The following NRXN1 variants were observed in gnomAD, a reference collection of about 807,000 sequenced individuals.
The protein encoded by NRXN1 is neurexin-1.
Under a neutral mutation model 150.9 loss-of-function variants are expected in NRXN1, and 39 were observed. The ratio of observed to expected loss-of-function variants is 0.26; its 90% CI spans 0.20 to 0.34. The LOEUF (loss-of-function observed/expected upper bound fraction) is 0.34, where lower values mean the gene tolerates loss of function less well. NRXN1 is among the 10% of genes least tolerant of loss of function. The probability of loss-of-function intolerance (pLI) is 1.00; values close to 1 mark genes in which losing one functional copy is unlikely to be tolerated. For missense variants in NRXN1, 1,815 were observed against 1,949.9 expected (o/e 0.93, Z 1.30); for synonymous variants, 924 against 757.0 (o/e 1.22, Z -3.62).
chr2:50,825,074 G>C (rs1167884600), intron 5 of NRXN1, among the ~76,000 whole-genome samples: 2 of 152,046 alleles, frequency 1.3e-5, no homozygotes, highest in African/African-American at 4.8e-5. Context: ...ATTTTTCCCT[G>C]GATGCTTCCA....
intron 19 of NRXN1, among the ~76,000 whole-genome samples, chr2:50,078,356 A>G (rs1697397159): frequency 6.7e-6 from 1 of 148,582 alleles, no homozygotes; most frequent in African/African-American, 2.5e-5. Flanking sequence ...GGTGGAAACC[A>G]TTTCTAAACT....
intron 12 of NRXN1, among the ~76,000 whole-genome samples, chr2:50,509,998 A>G (rs2092388853): frequency 6.6e-6 from 1 of 152,168 alleles, no homozygotes; most frequent in African/African-American, 2.4e-5. Flanking sequence ...TACAAAGAGA[A>G]GGTGGCTGCC....
chr2:50,937,056 C>T (rs1424979336), intron 2 of NRXN1, among the ~76,000 whole-genome samples: 1 of 152,034 alleles, frequency 6.6e-6, no homozygotes, highest in East Asian at 1.9e-4. Context: ...TAAGATAAAT[C>T]TAATATACTT....
chr2:50,171,378 C>A (rs776776945), intron 18 of NRXN1, among the ~76,000 whole-genome samples: 36 of 151,898 alleles, frequency 2.4e-4, no homozygotes, highest in Non-Finnish European at 4.1e-4. Context: ...CATATCAGTT[C>A]TAGACTATTT....
At chr2:50,421,225 G>C (rs905933670) in intron 17 of NRXN1, among the ~76,000 whole-genome samples, 9 of 151,862 alleles carry the variant, frequency 5.9e-5, no homozygotes, top group African/African-American at 2.2e-4. Flanking sequence ...TTTAAGAAAA[G>C]GAATTATTTG....
intron 21 of NRXN1, among the ~76,000 whole-genome samples, chr2:49,995,861 T>TAA (rs60974625): frequency 2.1e-4 from 14 of 66,174 alleles, no homozygotes; most frequent in African/African-American, 5.4e-4. Context: ...TGCTGGATAG[T>TAA]AAAAAAAAAA....
chr2:50,931,908 C>T (rs1234924939), intron 2 of NRXN1, among the ~76,000 whole-genome samples: 1 of 151,768 alleles, frequency 6.6e-6, no homozygotes, highest in East Asian at 2.0e-4. Flanking sequence ...GTTGCCAAGA[C>T]TGGAGTGCAG....
chr2:50,908,190 T>C (rs1387639065), intron 5 of NRXN1, among the ~76,000 whole-genome samples: 1 of 152,084 alleles, frequency 6.6e-6, no homozygotes, highest in African/African-American at 2.4e-5. Flanking sequence ...AATTGAATAG[T>C]AATGTTTCAT....
intron 22 of NRXN1, among the ~76,000 whole-genome samples, chr2:49,923,117 G>A (rs749188282): frequency 9.2e-5 from 14 of 152,144 alleles, no homozygotes; most frequent in Non-Finnish European, 1.8e-4. Flanking sequence ...GGATTTTGGG[G>A]TGCCTACGTC....
chr2:50,269,172 A>G (rs2069259191), intron 17 of NRXN1, among the ~76,000 whole-genome samples: 1 of 152,188 alleles, frequency 6.6e-6, no homozygotes, highest in South Asian at 2.1e-4. Context: ...TTGTGGGCTC[A>G]GCATATGGTA....
At chr2:50,516,186 G>C (rs1275446629) in intron 12 of NRXN1, among the ~76,000 whole-genome samples, 2 of 152,088 alleles carry the variant, frequency 1.3e-5, no homozygotes, top group African/African-American at 4.8e-5. Flanking sequence ...CATTACTAGA[G>C]GCAGGATGAG....
rs548293203 is a variant in NRXN1 at position 50,980,554 on chromosome 2, A to C, written c.772+46948T>G. 3.9e-5 allele frequency among the ~76,000 whole-genome samples: 6 copies of C among 152,276 alleles called. No homozygotes were observed. In the South Asian group the frequency reaches 1.0e-3, roughly 26 times the overall value. On this transcript the variant is annotated intron_variant, in intron 2 of 22. Transcript: ENST00000401669. ...TAATTAGGAATAGTAGTGATAGTTTATGAAGGTAATAACCACTACTGTAAC... is the reference window on the plus strand; with the variant it reads ...TAATTAGGAATAGTAGTGATAGTTTCTGAAGGTAATAACCACTACTGTAAC...
chr2:50,614,755 A>AC (rs4031831), intron 8 of NRXN1, among the ~76,000 whole-genome samples: 36 of 144,078 alleles, frequency 2.5e-4, no homozygotes, highest in Non-Finnish European at 3.8e-4. Flanking sequence ...AAAAAAAAAA[A>AC]CTTGAGGAAC....
At chr2:50,646,984 T>C (rs984843316) in intron 5 of NRXN1, among the ~76,000 whole-genome samples, 2 of 151,580 alleles carry the variant, frequency 1.3e-5, no homozygotes, top group Admixed American at 1.3e-4. Context: ...ATGTAAAAGA[T>C]CCACTCAAAA....
At chr2:50,275,859 T>C (rs546146185) in intron 17 of NRXN1, among the ~76,000 whole-genome samples, 4 of 152,064 alleles carry the variant, frequency 2.6e-5, no homozygotes, top group Non-Finnish European at 5.9e-5. Context: ...TAGCAGTGAA[T>C]TGCTGTATAA....
intron 17 of NRXN1, among the ~76,000 whole-genome samples, chr2:50,411,560 C>A (rs377069933): frequency 1.3e-5 from 2 of 151,866 alleles, no homozygotes; most frequent in Non-Finnish European, 2.9e-5. Context: ...TGCCCGGCTG[C>A]GACCCCGTCT....
intron 2 of NRXN1, among the ~76,000 whole-genome samples, chr2:50,965,250 G>T (rs1693877542): frequency 6.6e-6 from 1 of 151,282 alleles, no homozygotes; most frequent in Non-Finnish European, 1.5e-5. Flanking sequence ...ATCTCAAGGA[G>T]ATTTCAAGCT....
chr2:50,400,772 G>T (rs923631978), intron 17 of NRXN1, among the ~76,000 whole-genome samples: 18 of 152,158 alleles, frequency 1.2e-4, no homozygotes, highest in Admixed American at 1.2e-3. Flanking sequence ...AAACAAAGAG[G>T]AATGTTTTGC....
At chr2:50,836,466 C>T (rs952916343) in intron 5 of NRXN1, among the ~76,000 whole-genome samples, 1 of 151,942 alleles carries the variant, frequency 6.6e-6, no homozygotes, top group African/African-American at 2.4e-5. Flanking sequence ...ATCAACATTC[C>T]CCTTTTGCCA....
Sources: gnomAD v4.1 joint callset for allele counts (sites outside exome capture counted in the v4.1 genomes callset) on GRCh38, gnomAD v4.1.1 for gene constraint, MANE v1.5 for transcripts, NCBI Gene and HGNC (gene_info 2026-07-23, HGNC 2026-07-21) for gene names.